Variants in LIMA1 observed in about 807,000 individuals in gnomAD.
The protein encoded by LIMA1 is LIM domain and actin binding 1.
In LIMA1, 52 loss-of-function variants were observed where a neutral mutation model predicts 62.6. That is an observed-to-expected ratio of 0.83 (90% CI 0.67 to 1.05). LIMA1 has a LOEUF of 1.05. Among genes scored for constraint, LIMA1 ranks in the 50% least tolerant of loss-of-function variants. The pLI is 0.00. For missense variants in LIMA1, 780 were observed against 902.2 expected (o/e 0.86, Z 1.74); for synonymous variants, 302 against 317.8 (o/e 0.95, Z 0.53).
At chr12:50,267,625 T>C (rs888387021) in intron 1 of LIMA1, among the ~76,000 whole-genome samples, 2 of 152,046 alleles carry the variant, frequency 1.3e-5, no homozygotes, top group Non-Finnish European at 2.9e-5. Context: ...GTTCAAGCAA[T>C]TCTCCTGCCT....
At chr12:50,254,683 C>T (rs761823369) in intron 1 of LIMA1, among the ~76,000 whole-genome samples, 2 of 152,124 alleles carry the variant, frequency 1.3e-5, no homozygotes, top group East Asian at 1.9e-4. Context: ...ACGGTGAGGC[C>T]GGTAACTGCT....
At chr12:50,190,682 ATTTTTTTTTTTTTTTTTTT>A (rs762182699) in intron 9 of LIMA1, among the ~76,000 whole-genome samples, 6 of 93,058 alleles carry the variant, frequency 6.4e-5, no homozygotes, top group Non-Finnish European at 1.1e-4. Context: ...ACCCGGCCTC[ATTTTTTTTTTTTTTTTTTT>A]TTTTTTTTTT....
chr12:50,252,496 T>G (rs6580732), intron 1 of LIMA1, among the ~76,000 whole-genome samples: 102,685 of 150,300 alleles, frequency 0.68, 36,646 homozygotes, highest in East Asian at 0.9. Flanking sequence ...CAAGAGACTC[T>G]CTCGAACCTG....
At chr12:50,180,116 C>T (rs1399901577) in intron 10 of LIMA1, among the ~76,000 whole-genome samples, 6 of 152,030 alleles carry the variant, frequency 3.9e-5, no homozygotes, top group Non-Finnish European at 2.9e-5. Flanking sequence ...GCGTGGCTAA[C>T]ATGGTGAAAC....
chr12:50,276,636 C>T (rs58826760), intron 1 of LIMA1, among the ~76,000 whole-genome samples: 1,554 of 151,980 alleles, frequency 0.01, 29 homozygotes, highest in African/African-American at 0.035. Context: ...TTTGGAAGGC[C>T]GAGGCGGGCA....
intron 9 of LIMA1, chr12:50,188,764 C>T (rs1020764542): frequency 2.0e-5 from 3 of 152,182 alleles, no homozygotes; most frequent in Non-Finnish European, 2.9e-5. Flanking sequence ...GGGGAGGGAT[C>T]CCCACCCAGT....
In LIMA1 at chr12:50,227,237, C is replaced by CTTTTTTTT. The variant is rs199650468; in HGVS notation, c.165+4420_165+4427dup. 6.5e-4 allele frequency among the ~76,000 whole-genome samples: 81 copies of CTTTTTTTT among 124,008 alleles called. 1 individual carries two copies. The highest frequency in any genetic ancestry group is 1.1e-3 in the South Asian group (4 of 3,798). 81.4% of individuals were successfully genotyped at this position (124,008 alleles called of 152,430 possible). A position where few individuals can be genotyped will look rare whatever the true frequency, so the allele number is the denominator to read the frequency against. ...AAGTCTTCACTTTCTTTTTTCTTTTCTTTTTTTTTTTTTTTTTTTGAGATG... is the reference window on the plus strand; with the variant it reads ...AAGTCTTCACTTTCTTTTTTCTTTTCTTTTTTTTTTTTTTTTTTTTTTTTTTTGAGATG... On this transcript the variant is annotated intron_variant, in intron 3 of 10. Coordinates refer to ENST00000341247, the MANE Select transcript of LIMA1 (RefSeq NM_016357.5).
At chr12:50,239,688 T>G (rs1941745681) in intron 2 of LIMA1, among the ~76,000 whole-genome samples, 1 of 150,124 alleles carries the variant, frequency 6.7e-6, no homozygotes, top group African/African-American at 2.5e-5. Context: ...ATATGTAAAA[T>G]TATTCTTTGT....
chr12:50,215,868 G>A (rs1941337013), intron 4 of LIMA1, among the ~76,000 whole-genome samples: 2 of 152,042 alleles, frequency 1.3e-5, no homozygotes, highest in African/African-American at 4.8e-5. Context: ...TGGCCAACAT[G>A]GCAAAACCCC....
Position 50,206,071 on chromosome 12 carries a change from G to A in LIMA1, c.631-3C>T, listed in dbSNP as rs752314932. ...CTTCGGCTTTGGGCCCGGAGAATCT[G>A]GAAAACGAAACCCAACGATAAGTTT... is the stretch of plus-strand genomic sequence containing the variant. On this transcript the variant is annotated splice_polypyrimidine_tract_variant and splice_region_variant and intron_variant, in intron 4 of 10. Coordinates refer to ENST00000341247, the MANE Select transcript of LIMA1 (RefSeq NM_016357.5). 6.2e-7 allele frequency: 1 copy of A among 1,610,822 alleles called. No individual in the cohort carries two copies. Among genetic ancestry groups the A allele is most frequent in the South Asian group, 1.1e-5 (1 of 90,624 alleles).
chr12:50,250,186 G>A (rs904639070), intron 1 of LIMA1, among the ~76,000 whole-genome samples: 3 of 150,086 alleles, frequency 2.0e-5, no homozygotes, highest in South Asian at 2.1e-4. Context: ...TAATCCCAGC[G>A]ACTTGGGAGG....
At chr12:50,202,239 A>G (rs1369577635) in intron 6 of LIMA1, 1 of 152,232 alleles carries the variant, frequency 6.6e-6, no homozygotes, top group Non-Finnish European at 1.5e-5. Context: ...GAGAGTATGT[A>G]TGTGCCTTGT....
intron 2 of LIMA1, among the ~76,000 whole-genome samples, chr12:50,234,729 T>C (rs1299047717): frequency 6.6e-6 from 1 of 151,990 alleles, no homozygotes; most frequent in Non-Finnish European, 1.5e-5. Context: ...AAAAGCAGCC[T>C]CAGGCCTGGT....
chr12:50,190,841 T>A (rs1940750080), intron 9 of LIMA1, among the ~76,000 whole-genome samples: 1 of 148,098 alleles, frequency 6.8e-6, no homozygotes, highest in African/African-American at 2.5e-5. Context: ...GGGCCAGGTG[T>A]GTTTGGTGGC....
intron 8 of LIMA1, 87 bp from the exon 9 acceptor site, chr12:50,192,648 T>C: frequency 1.1e-6 from 1 of 886,862 alleles, no homozygotes; most frequent in Non-Finnish European, 1.9e-6. Context: ...GTTTGGGCAC[T>C]TTCATTAATG....
intron 3 of LIMA1, among the ~76,000 whole-genome samples, chr12:50,230,308 T>A (rs987725877): frequency 6.6e-6 from 1 of 152,178 alleles, no homozygotes; most frequent in African/African-American, 2.4e-5. Context: ...AGTGCTGGGA[T>A]TATAGGCGTG....
intron 2 of LIMA1, among the ~76,000 whole-genome samples, chr12:50,235,422 T>C (rs1433816037): frequency 1.3e-5 from 2 of 151,882 alleles, no homozygotes; most frequent in East Asian, 1.9e-4. Flanking sequence ...TGCACCGCTA[T>C]GCCCGGCTAA....
At chr12:50,263,851 T>TAGAGAGTATATATATATATATAG (rs1942104286) in intron 1 of LIMA1, among the ~76,000 whole-genome samples, 1 of 127,886 alleles carries the variant, frequency 7.8e-6, no homozygotes, top group Non-Finnish European at 1.6e-5. Flanking sequence ...TATATATATA[T>TAGAGAGTATATATATATATATAG]AGAGAGTATA....
intron 7 of LIMA1, among the ~76,000 whole-genome samples, chr12:50,197,520 G>A (rs1014162410): frequency 6.6e-6 from 1 of 152,162 alleles, no homozygotes; most frequent in African/African-American, 2.4e-5. Context: ...CCTGCAGCAT[G>A]TGCTTGAAGA....
Sources: allele counts gnomAD v4.1 joint callset (sites outside exome capture counted in the v4.1 genomes callset), GRCh38; gene constraint gnomAD v4.1.1; transcripts MANE v1.5; gene names NCBI Gene and HGNC (gene_info 2026-07-23, HGNC 2026-07-21).